Variants in POU3F3 observed in about 807,000 individuals in gnomAD.
The protein encoded by POU3F3 is POU class 3 homeobox 3.
POU3F3 carries 1 observed loss-of-function variant against 8.6 expected under a neutral mutation model. The observed-to-expected ratio is 0.12, with a 90% CI of 0.04 to 0.55. The LOEUF is 0.55. Among genes scored for constraint, POU3F3 ranks in the 20% least tolerant of loss-of-function variants. The probability of loss-of-function intolerance (pLI) is 0.91; values close to 1 mark genes in which losing one functional copy is unlikely to be tolerated. For missense variants in POU3F3, 577 were observed against 690.7 expected (o/e 0.84, Z 1.84); for synonymous variants, 418 against 327.4 (o/e 1.28, Z -2.99).
the POU3F3 span, among the ~76,000 whole-genome samples, chr2:104,913,675 A>G: frequency 6.6e-6 from 1 of 152,214 alleles, no homozygotes; most frequent in African/African-American, 2.4e-5. Flanking sequence ...AAGAGCTACG[A>G]TCTTCAGCAT....
chr2:104,918,803 T>C, the POU3F3 span, among the ~76,000 whole-genome samples: 27 of 151,648 alleles, frequency 1.8e-4, no homozygotes, highest in East Asian at 5.2e-3. Context: ...ATACATAGAG[T>C]AATTATAACA....
At chr2:104,878,648 C>T in the POU3F3 span, among the ~76,000 whole-genome samples, 3 of 152,204 alleles carry the variant, frequency 2.0e-5, no homozygotes, top group Non-Finnish European at 2.9e-5. Flanking sequence ...ATCCTGCATA[C>T]AGAAGTTGGC....
the POU3F3 span, among the ~76,000 whole-genome samples, chr2:104,863,767 G>T: frequency 6.6e-6 from 1 of 152,220 alleles, no homozygotes; most frequent in African/African-American, 2.4e-5. Flanking sequence ...GGAAGGAGAT[G>T]CGCTGACTTG....
chr2:104,854,576 C>T lies in POU3F3; in HGVS notation c.-935C>T, dbSNP rs1676509178. ...AATTTCTGCCCAAAAGGAAAGATGT[C>T]GCATCAGACTGTGACTGTTGCGAGG... is the stretch of plus-strand genomic sequence containing the variant. On this transcript the variant is annotated 5_prime_UTR_variant, in exon 1 of 1. Transcript: ENST00000361360. This position sits in a 1 kb window ranked among gnomAD's most constrained non-coding sequence, Gnocchi z 4.5. Among the ~76,000 whole-genome samples, 1 of 152,144 alleles carries T rather than the reference C, an allele frequency of 6.6e-6. No homozygotes were observed. Among genetic ancestry groups the T allele is most frequent in the African/African-American group, 2.4e-5 (1 of 41,410 alleles).
Position 104,856,245 on chromosome 2 carries a change from C to T in POU3F3, c.735C>T (p.Gly245=), listed in dbSNP as rs1329481216. ...CACCGGGGCCCGGCGGCGGCGGCGG[C>T]GGCGCGGGCGGTGGAGCCCAGAGCT... ...SAPPGPGGGG[G]GAGGGAQSLV... The change falls in exon 1 of 1, where the codon GGC becomes GGT. Residue 245 remains glycine, a synonymous_variant. Coordinates refer to ENST00000361360, the MANE Select transcript of POU3F3 (RefSeq NM_006236.3). The T allele has an allele frequency of 1.8e-5, 23 of 1,281,316 alleles. No individual in the cohort carries two copies. Among genetic ancestry groups the T allele is most frequent in the South Asian group, 2.9e-5 (1 of 34,522 alleles). The allele number at this position is 1,281,316 out of a possible 1,614,324, so 79.4% of individuals were successfully genotyped here.
At chr2:104,886,289 T>C in the POU3F3 span, among the ~76,000 whole-genome samples, 38 of 152,148 alleles carry the variant, frequency 2.5e-4, no homozygotes, top group African/African-American at 9.2e-4. Context: ...TTGTATAAGA[T>C]GATAGTATAT....
chr2:104,855,141 C>G lies in POU3F3; in HGVS notation c.-370C>G, dbSNP rs911249074. On this transcript the variant is annotated 5_prime_UTR_variant, in exon 1 of 1. Transcript: ENST00000361360. ...GCCGGGGCTGGGGGGCGGCCACGACCCCCCCTGAAGGGGGTGGCCACGGAG... is the reference window on the plus strand; with the variant it reads ...GCCGGGGCTGGGGGGCGGCCACGACGCCCCCTGAAGGGGGTGGCCACGGAG... Among the ~76,000 whole-genome samples, 1 of 151,632 alleles carries G rather than the reference C, an allele frequency of 6.6e-6. No individual in the cohort carries two copies. Among genetic ancestry groups the G allele is most frequent in the Non-Finnish European group, 1.5e-5 (1 of 67,830 alleles).
chr2:104,920,288 T>G, the POU3F3 span, among the ~76,000 whole-genome samples: 4 of 152,342 alleles, frequency 2.6e-5, no homozygotes, highest in South Asian at 6.2e-4. Flanking sequence ...GTACTGGGAT[T>G]ACAGGCGTGA....
the POU3F3 span, among the ~76,000 whole-genome samples, chr2:104,906,439 G>T: frequency 6.6e-6 from 1 of 152,236 alleles, no homozygotes; most frequent in African/African-American, 2.4e-5. Flanking sequence ...TTTCTGTTGC[G>T]TTTTAGTGTC....
chr2:104,857,054 CTCCGCA>C lies in POU3F3; in HGVS notation c.*42_*47del. ...CGAAGAGGGCCGCCGCCGCCGCCGC[CTCCGCA>C]GCCGCCGTCAGCACCGCCGCCGCCC... is the stretch of plus-strand genomic sequence containing the variant. On this transcript the variant is annotated 3_prime_UTR_variant, in exon 1 of 1. Coordinates refer to ENST00000361360, the MANE Select transcript of POU3F3 (RefSeq NM_006236.3). 1 of 1,383,888 alleles carries C rather than the reference CTCCGCA, an allele frequency of 7.2e-7. No homozygotes were observed. The highest frequency in any genetic ancestry group is 9.4e-7 in the Non-Finnish European group (1 of 1,061,454). 85.7% of individuals were successfully genotyped at this position (1,383,888 alleles called of 1,614,324 possible).
the POU3F3 span, among the ~76,000 whole-genome samples, chr2:104,909,858 T>C: frequency 1.3e-5 from 2 of 152,328 alleles, no homozygotes; most frequent in East Asian, 3.9e-4. Flanking sequence ...ATTATTCAAA[T>C]ACAAGAGAGT....
the POU3F3 span, among the ~76,000 whole-genome samples, chr2:104,905,351 A>G: frequency 6.6e-5 from 10 of 152,210 alleles, no homozygotes; most frequent in African/African-American, 2.4e-4. Context: ...CTTTATGCAT[A>G]TAGTGGAAGT....
Position 104,855,100 on chromosome 2 carries a change from G to A in POU3F3, c.-411G>A. Among the ~76,000 whole-genome samples the A allele has an allele frequency of 6.6e-6, 1 of 151,810 alleles. No homozygotes were observed. Among genetic ancestry groups the A allele is most frequent in the Non-Finnish European group, 1.5e-5 (1 of 67,900 alleles). On this transcript the variant is annotated 5_prime_UTR_variant, in exon 1 of 1. Transcript: ENST00000361360. Reference sequence around the variant, plus strand: ...CCCGCCCCGCCCGGCGAGCCCCGCTGGAGCGAGCCCAGCGCGCCGGGGCTG... The same window carrying A: ...CCCGCCCCGCCCGGCGAGCCCCGCTAGAGCGAGCCCAGCGCGCCGGGGCTG...
chr2:104,888,454 C>T, the POU3F3 span, among the ~76,000 whole-genome samples: 1 of 152,148 alleles, frequency 6.6e-6, no homozygotes, highest in Non-Finnish European at 1.5e-5. Flanking sequence ...CTTTGGAAGG[C>T]TTTCAGAACA....
chr2:104,857,457 G>A lies in POU3F3; in HGVS notation c.*444G>A, dbSNP rs1044622761. The A allele has an allele frequency of 1.3e-5, 2 of 153,688 alleles. No individual in the cohort carries two copies. Among genetic ancestry groups the A allele is most frequent in the African/African-American group, 4.8e-5 (2 of 41,416 alleles). The allele number at this position is 153,688 out of a possible 1,614,324, so 9.5% of individuals were successfully genotyped here. A position where few individuals can be genotyped will look rare whatever the true frequency, so the allele number is the denominator to read the frequency against. On this transcript the variant is annotated 3_prime_UTR_variant, in exon 1 of 1. Coordinates refer to ENST00000361360, the MANE Select transcript of POU3F3 (RefSeq NM_006236.3). Reference sequence around the variant, plus strand: ...CCTGACGCACGAAAACTGCACTCGTGAGGTTTTTCCACCCTGAGATGACCT... The same window carrying A: ...CCTGACGCACGAAAACTGCACTCGTAAGGTTTTTCCACCCTGAGATGACCT...
the POU3F3 span, among the ~76,000 whole-genome samples, chr2:104,877,858 A>G: frequency 0.026 from 3,971 of 151,608 alleles, 177 homozygotes; most frequent in African/African-American, 0.09. Context: ...GGGTTTCACC[A>G]TGTTGGCCAG....
the POU3F3 span, among the ~76,000 whole-genome samples, chr2:104,924,071 G>C: frequency 6.6e-6 from 1 of 152,292 alleles, no homozygotes; most frequent in Middle Eastern, 3.4e-3. Flanking sequence ...ATGGACGATA[G>C]TGATAATTGC....
At chr2:104,891,916 T>C in the POU3F3 span, among the ~76,000 whole-genome samples, 2 of 152,164 alleles carry the variant, frequency 1.3e-5, no homozygotes, top group Non-Finnish European at 2.9e-5. Context: ...GTTGGATAAA[T>C]ACATTATTTA....
chr2:104,884,224 T>C, the POU3F3 span, among the ~76,000 whole-genome samples: 1 of 152,132 alleles, frequency 6.6e-6, no homozygotes, highest in African/African-American at 2.4e-5. Context: ...CAAAACACAT[T>C]TGTCTGGGGG....
Sources: gnomAD v4.1 joint callset for allele counts (sites outside exome capture counted in the v4.1 genomes callset) on GRCh38, gnomAD v4.1.1 for gene constraint, Gnocchi (gnomAD v3.1) non-coding constraint, MANE v1.5 for transcripts, NCBI Gene and HGNC (gene_info 2026-07-23, HGNC 2026-07-21) for gene names.